LOXHD1: variants seen among roughly 807,000 people sequenced by gnomAD.
The protein encoded by LOXHD1 is lipoxygenase homology domain-containing protein 1.
Under a neutral mutation model 248.2 loss-of-function variants are expected in LOXHD1, and 205 were observed. The observed-to-expected ratio is 0.83, with a 90% CI of 0.74 to 0.93. LOXHD1 has a LOEUF of 0.93. Among genes scored for constraint, LOXHD1 ranks in the 40% least tolerant of loss-of-function variants. LOXHD1 has a pLI of 0.00. For missense variants in LOXHD1, 2,930 were observed against 2,971.6 expected, an observed-to-expected ratio of 0.99 and a Z score of 0.33; for synonymous variants, 1,113 against 1,162.8, an observed-to-expected ratio of 0.96 and a Z score of 0.87.
intron 4 of LOXHD1, among the ~76,000 whole-genome samples, chr18:46,629,518 A>G (rs755590555): frequency 2.0e-5 from 3 of 152,020 alleles, no homozygotes; most frequent in Non-Finnish European, 4.4e-5. Context: ...CTAATACGTT[A>G]ATCACCATCC....
intron 4 of LOXHD1, among the ~76,000 whole-genome samples, chr18:46,622,385 A>T (rs537342638): frequency 5.8e-4 from 89 of 152,344 alleles, no homozygotes; most frequent in Non-Finnish European, 1.0e-3. Flanking sequence ...ATTACTTTTT[A>T]AAAAAATTCT....
chr18:46,518,355 T>C, intron 33 of LOXHD1, 99 bp from the exon 34 acceptor site: 1 of 1,404,750 alleles, frequency 7.1e-7, no homozygotes, highest in Non-Finnish European at 9.7e-7. Flanking sequence ...ACTGTCCAAG[T>C]TCCACAGCTC....
chr18:46,647,183 C>T (rs1475646803), intron 2 of LOXHD1, among the ~76,000 whole-genome samples: 2 of 152,186 alleles, frequency 1.3e-5, no homozygotes, highest in Non-Finnish European at 2.9e-5. Context: ...AGCTGGCTGC[C>T]CCATGGGATC....
intron 37 of LOXHD1, among the ~76,000 whole-genome samples, chr18:46,503,154 G>A (rs960940213): frequency 1.3e-5 from 2 of 152,218 alleles, no homozygotes; most frequent in African/African-American, 4.8e-5. Context: ...TTGCCAGTGT[G>A]TGCTGGTAGC....
chr18:46,601,623 T>A, intron 7 of LOXHD1, 156 bp from the exon 8 acceptor site: 1 of 993,400 alleles, frequency 1.0e-6, no homozygotes, highest in South Asian at 1.5e-5. Flanking sequence ...TGCCACCTAA[T>A]GTCCCTCTCG....
At chr18:46,520,018 G>A (rs923564170) in intron 33 of LOXHD1, among the ~76,000 whole-genome samples, 5 of 152,168 alleles carry the variant, frequency 3.3e-5, no homozygotes, top group African/African-American at 1.2e-4. Context: ...GCTGGGCGGT[G>A]GCACAGAGGC....
chr18:46,494,847 C>CTTTTTTTTTTTTTTTTTTTTTT (rs1256277774), intron 37 of LOXHD1, among the ~76,000 whole-genome samples: 26 of 113,414 alleles, frequency 2.3e-4, no homozygotes, highest in Admixed American at 3.9e-4. Context: ...TTTTCTCTCT[C>CTTTTTTTTTTTTTTTTTTTTTT]TCTTTTTTTT....
chr18:46,592,543 T>G lies in LOXHD1; in HGVS notation c.1473A>C (p.Val491=). 1 of 1,551,676 alleles carries G rather than the reference T, an allele frequency of 6.4e-7. No individual in the cohort carries two copies. The highest frequency in any genetic ancestry group is 8.7e-7 in the Non-Finnish European group (1 of 1,146,958). ...PDLGRFYKIR[V]WHDKRSSGSG... ...AACCAGAACTCCTTTTATCATGCCATACTCGAATCTTATAAAACCTGCCAA... is the reference window on the plus strand; with the variant it reads ...AACCAGAACTCCTTTTATCATGCCAGACTCGAATCTTATAAAACCTGCCAA... Residue 491 remains valine, a synonymous_variant, in exon 11 of 41, where the codon GTA becomes GTC. Coordinates refer to ENST00000642948, the MANE Select transcript of LOXHD1 (RefSeq NM_001384474.1).
At chr18:46,548,686 G>A (rs1407212388) in intron 21 of LOXHD1, among the ~76,000 whole-genome samples, 1 of 152,148 alleles carries the variant, frequency 6.6e-6, no homozygotes, top group East Asian at 1.9e-4. Context: ...AATAAAGAAA[G>A]AGCTGGGGTC....
At chr18:46,564,045 G>A (rs2144042362) in intron 17 of LOXHD1, among the ~76,000 whole-genome samples, 1 of 152,170 alleles carries the variant, frequency 6.6e-6, no homozygotes, top group East Asian at 1.9e-4. Flanking sequence ...TATAAAAATT[G>A]AACACTGATT....
rs1013650537 is a variant in LOXHD1 at position 46,517,143 on chromosome 18, C to T, written c.5399+986G>A. 3.3e-5 allele frequency among the ~76,000 whole-genome samples: 5 copies of T among 152,036 alleles called. No homozygotes were observed. In the East Asian group the frequency reaches 5.8e-4, roughly 18 times the overall value. ...TTTTTAAAATGTTAAGCTTAGGATCCGAGTCTGTCATCTCTGGTTCTTAAG... is the reference window on the plus strand; with the variant it reads ...TTTTTAAAATGTTAAGCTTAGGATCTGAGTCTGTCATCTCTGGTTCTTAAG... On this transcript the variant is annotated intron_variant, in intron 34 of 40. Transcript: ENST00000642948.
intron 14 of LOXHD1, among the ~76,000 whole-genome samples, chr18:46,573,552 T>C (rs1036026165): frequency 6.6e-6 from 1 of 152,150 alleles, no homozygotes; most frequent in Non-Finnish European, 1.5e-5. Flanking sequence ...ATTACCCTAC[T>C]GAGAGGGAGG....
At position 46,545,435 on chromosome 18, in the gene LOXHD1, A is replaced by G. The variant is rs1444390806; in HGVS notation, c.3515-14T>C. On this transcript the variant is annotated splice_polypyrimidine_tract_variant and intron_variant, in intron 22 of 40. Coordinates refer to ENST00000642948, the MANE Select transcript of LOXHD1 (RefSeq NM_001384474.1). ...TGGTAGATTTATCTGCCAAGAGAAT[A>G]GTATAGAGCAATGAATTGTAGACTG... 2.0e-6 allele frequency: 3 copies of G among 1,526,672 alleles called. No homozygotes were observed. The African/African-American group carries it at 4.1e-5, about 21-fold the overall frequency. The allele number at this position is 1,526,672 out of a possible 1,614,324, so 94.6% of individuals were successfully genotyped here. A position where few individuals can be genotyped will look rare whatever the true frequency, so the allele number is the denominator to read the frequency against.
chr18:46,551,802 TC>T (rs1246474819), intron 21 of LOXHD1, among the ~76,000 whole-genome samples: 2 of 152,176 alleles, frequency 1.3e-5, no homozygotes, highest in Admixed American at 6.5e-5. Flanking sequence ...AGACCTCAGA[TC>T]CCGGGACACC....
intron 4 of LOXHD1, among the ~76,000 whole-genome samples, chr18:46,628,530 T>G (rs1040310438): frequency 6.6e-6 from 1 of 152,220 alleles, no homozygotes; most frequent in African/African-American, 2.4e-5. Context: ...AGGCTTTCCC[T>G]GCTGGCTTTA....
At chr18:46,500,674 C>T (rs2034168401) in intron 37 of LOXHD1, among the ~76,000 whole-genome samples, 1 of 152,168 alleles carries the variant, frequency 6.6e-6, no homozygotes, top group East Asian at 1.9e-4. Context: ...CTTGACATGG[C>T]TTACAATATT....
chr18:46,633,694 G>C (rs1415298868), intron 4 of LOXHD1, among the ~76,000 whole-genome samples: 5 of 152,116 alleles, frequency 3.3e-5, no homozygotes, highest in African/African-American at 1.2e-4. Context: ...TCATCGAATG[G>C]GAGAAAAATA....
intron 10 of LOXHD1, among the ~76,000 whole-genome samples, chr18:46,592,986 T>C (rs1252913405): frequency 6.6e-6 from 1 of 152,190 alleles, no homozygotes; most frequent in East Asian, 1.9e-4. Context: ...CAAGCAGTCA[T>C]GCCCTTTCTC....
intron 17 of LOXHD1, among the ~76,000 whole-genome samples, chr18:46,564,673 CT>C (rs2037602353): frequency 6.6e-6 from 1 of 152,078 alleles, no homozygotes; most frequent in African/African-American, 2.4e-5. Context: ...GGAACTATTG[CT>C]TTTTTATCTT....
Sources: allele counts gnomAD v4.1 joint callset (sites outside exome capture counted in the v4.1 genomes callset), GRCh38; gene constraint gnomAD v4.1.1; transcripts MANE v1.5; gene names NCBI Gene and HGNC (gene_info 2026-07-23, HGNC 2026-07-21).